The following MEGF11 variants were observed in gnomAD, a reference collection of about 807,000 sequenced individuals.
The protein encoded by MEGF11 is multiple EGF like domains 11.
Under a neutral mutation model 146.6 loss-of-function variants are expected in MEGF11, and 126 were observed. The ratio of observed to expected loss-of-function variants is 0.86; its 90% CI spans 0.74 to 1.00. MEGF11 has a LOEUF of 1.00. Among genes scored for constraint, MEGF11 ranks in the 50% least tolerant of loss-of-function variants. The probability of loss-of-function intolerance (pLI) is 0.00; values close to 1 mark genes in which losing one functional copy is unlikely to be tolerated. For synonymous variants in MEGF11, 532 were observed against 583.4 expected (o/e 0.91, Z 1.27); for missense variants, 1,509 against 1,521.2 (o/e 0.99, Z 0.13).
At chr15:66,063,422 C>T (rs1459841242) in intron 5 of MEGF11, among the ~76,000 whole-genome samples, 2 of 152,138 alleles carry the variant, frequency 1.3e-5, no homozygotes, top group African/African-American at 4.8e-5. Context: ...GGGTCCCTCC[C>T]AACTAATCAG....
In MEGF11 at chr15:65,896,854, T is replaced by G. The variant is rs1218163539; in HGVS notation, c.*1080A>C. On this transcript the variant is annotated 3_prime_UTR_variant, in exon 26 of 26. Transcript: ENST00000395614. ...TACAGCAACTGGTTACAGTCCATTC[T>G]TTTTTTGATCATTTAGTTCCATTAA... is the stretch of plus-strand genomic sequence containing the variant. 6.6e-6 allele frequency: 1 copy of G among 152,228 alleles called. No homozygotes were observed. The highest frequency in any genetic ancestry group is 1.5e-5 in the Non-Finnish European group (1 of 68,032). The allele number at this position is 152,228 out of a possible 1,614,324, so 9.4% of individuals were successfully genotyped here.
rs956305109 is a variant in MEGF11 at position 66,082,248 on chromosome 15, G to A, written c.394+12154C>T. On this transcript the variant is annotated intron_variant, in intron 5 of 25. Transcript: ENST00000395614. ...CCTGAGCTTTGATTTCTTCATTTGT[G>A]GAATAGAATAACACATATGTCCTCC... is the stretch of plus-strand genomic sequence containing the variant. Among the ~76,000 whole-genome samples the A allele has an allele frequency of 4.0e-5, 6 of 151,342 alleles. No individual in the cohort carries two copies. In the South Asian group the frequency reaches 1.0e-3, roughly 26 times the overall value.
chr15:65,915,044 T>C (rs529375942), intron 19 of MEGF11, among the ~76,000 whole-genome samples: 1 of 152,348 alleles, frequency 6.6e-6, no homozygotes, highest in Admixed American at 6.5e-5. Context: ...CTCCTCGGCC[T>C]TCAGAGTAAC....
At chr15:66,086,041 T>C (rs1361706825) in intron 5 of MEGF11, among the ~76,000 whole-genome samples, 1 of 152,012 alleles carries the variant, frequency 6.6e-6, no homozygotes, top group East Asian at 1.9e-4. Flanking sequence ...CTCAGCAGAA[T>C]TGGAAAAGTA....
intron 1 of MEGF11, among the ~76,000 whole-genome samples, chr15:66,238,995 T>A (rs925167653): frequency 3.3e-5 from 5 of 152,254 alleles, no homozygotes; most frequent in Non-Finnish European, 7.3e-5. Context: ...AAGAACAGTC[T>A]GCCACAGAGC....
At chr15:66,033,893 G>A (rs1266699135) in intron 5 of MEGF11, among the ~76,000 whole-genome samples, 1 of 152,214 alleles carries the variant, frequency 6.6e-6, no homozygotes, top group East Asian at 1.9e-4. Context: ...CTGGGTTCAA[G>A]CAATTCTTTG....
intron 5 of MEGF11, among the ~76,000 whole-genome samples, chr15:65,992,301 AGATGGCT>A (rs1167324222): frequency 6.6e-6 from 1 of 152,224 alleles, no homozygotes; most frequent in African/African-American, 2.4e-5. Flanking sequence ...ATCTCTCTGC[AGATGGCT>A]GAATTGAAAC....
At chr15:66,020,325 C>T (rs927619381) in intron 5 of MEGF11, among the ~76,000 whole-genome samples, 1 of 152,176 alleles carries the variant, frequency 6.6e-6, no homozygotes, top group South Asian at 2.1e-4. Context: ...TGTATCTCTG[C>T]TATTACTTGG....
At chr15:65,940,827 T>C (rs537851504) in intron 10 of MEGF11, among the ~76,000 whole-genome samples, 203 of 152,362 alleles carry the variant, frequency 1.3e-3, no homozygotes, top group African/African-American at 4.6e-3. Flanking sequence ...CCATGTAGTA[T>C]TCACTCTCAC....
intron 5 of MEGF11, among the ~76,000 whole-genome samples, chr15:65,983,987 G>C (rs1484762639): frequency 6.6e-6 from 1 of 152,294 alleles, no homozygotes; most frequent in East Asian, 1.9e-4. Flanking sequence ...TGCTGACCAA[G>C]GTCAAGCGGT....
chr15:65,934,868 A>G (rs1000477257), intron 10 of MEGF11, among the ~76,000 whole-genome samples: 2 of 152,208 alleles, frequency 1.3e-5, no homozygotes, highest in African/African-American at 2.4e-5. Flanking sequence ...ACCCCTTCCC[A>G]CATGTCTTGC....
At chr15:66,004,657 T>C (rs1247636313) in intron 5 of MEGF11, among the ~76,000 whole-genome samples, 1 of 152,054 alleles carries the variant, frequency 6.6e-6, no homozygotes. Context: ...CAGAAAGGAC[T>C]GAATTTGGGG....
At chr15:65,917,354 G>C (rs566711323) in intron 16 of MEGF11, among the ~76,000 whole-genome samples, 1 of 152,266 alleles carries the variant, frequency 6.6e-6, no homozygotes, top group Non-Finnish European at 1.5e-5. Context: ...CAGTTGGTGA[G>C]CTCCTGATGA....
Position 65,916,074 on chromosome 15 carries a change from G to T in MEGF11, c.2344+74C>A. ...ACAGAGCCCTGAGTGAGTGGACCTT[G>T]AAGTGGGAGCCATCCTCTGCAGGAG... On this transcript the variant is annotated intron_variant, in intron 18 of 25. Transcript: ENST00000395614. The T allele has an allele frequency of 4.1e-6, 6 of 1,476,466 alleles. No individual in the cohort carries two copies. The South Asian group carries it at 8.1e-5, about 20-fold the overall frequency. 91.5% of individuals were successfully genotyped at this position (1,476,466 alleles called of 1,614,324 possible). A position where few individuals can be genotyped will look rare whatever the true frequency, so the allele number is the denominator to read the frequency against.
intron 5 of MEGF11, among the ~76,000 whole-genome samples, chr15:65,999,707 C>T (rs2082302356): frequency 6.6e-6 from 1 of 152,144 alleles, no homozygotes; most frequent in African/African-American, 2.4e-5. Context: ...TTATTCAATG[C>T]CTGGCAAGAA....
At chr15:66,182,202 C>T (rs559923231) in intron 1 of MEGF11, among the ~76,000 whole-genome samples, 1 of 152,278 alleles carries the variant, frequency 6.6e-6, no homozygotes, top group East Asian at 1.9e-4. Context: ...GTCTGCCAGT[C>T]CTCATACCCC....
chr15:66,105,842 A>G (rs1485283168), intron 4 of MEGF11, among the ~76,000 whole-genome samples: 1 of 152,212 alleles, frequency 6.6e-6, no homozygotes, highest in East Asian at 1.9e-4. Flanking sequence ...CCTGTGGATC[A>G]ACAGAGGCCA....
At chr15:66,068,946 C>T (rs935989360) in intron 5 of MEGF11, among the ~76,000 whole-genome samples, 1 of 152,214 alleles carries the variant, frequency 6.6e-6, no homozygotes, top group Non-Finnish European at 1.5e-5. Flanking sequence ...ACATGGGCCC[C>T]TACTACAAGC....
chr15:66,016,759 TTATAAA>T (rs1249235120), intron 5 of MEGF11, among the ~76,000 whole-genome samples: 3 of 152,364 alleles, frequency 2.0e-5, no homozygotes, highest in Admixed American at 6.5e-5. Flanking sequence ...ACTTAATTTA[TTATAAA>T]TATAAATTCA....
Sources: gnomAD v4.1 joint callset for allele counts (sites outside exome capture counted in the v4.1 genomes callset) on GRCh38, gnomAD v4.1.1 for gene constraint, MANE v1.5 for transcripts, NCBI Gene and HGNC (gene_info 2026-07-23, HGNC 2026-07-21) for gene names.